The following HTT variants were observed in gnomAD, a reference collection of about 807,000 sequenced individuals.
HTT encodes huntington disease protein.
HTT carries 104 observed loss-of-function variants against 362.3 expected under a neutral mutation model. The ratio of observed to expected loss-of-function variants is 0.29; its 90% CI spans 0.24 to 0.34. The LOEUF is 0.34. Ranked by LOEUF, HTT falls within the 10% of genes least tolerant of loss-of-function variation. HTT has a pLI of 1.00. For missense variants in HTT, 3,301 were observed against 3,928.6 expected (o/e 0.84, Z 4.27); for synonymous variants, 1,577 against 1,548.7 (o/e 1.02, Z -0.43).
At chr4:3,204,193 CAGG>C in intron 42 of HTT, 45 bp downstream of exon 42, 1 of 1,605,798 alleles carries the variant, frequency 6.2e-7, no homozygotes, top group Non-Finnish European at 8.5e-7. Context: ...AGGTGGGGAC[CAGG>C]AGAACATCCT....
At chr4:3,181,861 A>G (rs1358096928) in intron 36 of HTT, among the ~76,000 whole-genome samples, 2 of 152,180 alleles carry the variant, frequency 1.3e-5, no homozygotes, top group Non-Finnish European at 2.9e-5. Context: ...CTGTTTAGAA[A>G]TGATCACTAA....
intron 27 of HTT, 89 bp from the exon 28 acceptor site, chr4:3,156,978 ATACTT>A: frequency 9.8e-7 from 1 of 1,021,446 alleles, no homozygotes; most frequent in East Asian, 2.5e-5. Context: ...TCATACTAGA[ATACTT>A]TAAAAAATCA....
chr4:3,131,999 G>A (rs988603650), intron 16 of HTT, among the ~76,000 whole-genome samples: 49 of 152,278 alleles, frequency 3.2e-4, no homozygotes, highest in Non-Finnish European at 5.1e-4. Context: ...ACCTCAGCAC[G>A]TAAGAGCCAA....
At chr4:3,093,059 C>T (rs894255465) in intron 2 of HTT, among the ~76,000 whole-genome samples, 2 of 152,100 alleles carry the variant, frequency 1.3e-5, no homozygotes, top group South Asian at 2.1e-4. Context: ...GGAAGAATAC[C>T]AGGGAAGAGA....
At chr4:3,236,041 T>C (rs568562264) in intron 63 of HTT, 108 bp from the exon 64 acceptor site, 127 of 865,210 alleles carry the variant, frequency 1.5e-4, no homozygotes, top group Admixed American at 3.1e-4. Flanking sequence ...TGATATCACC[T>C]GCTTTCAGAT....
intron 46 of HTT, 76 bp downstream of exon 46, chr4:3,208,987 G>A: frequency 6.8e-7 from 1 of 1,462,996 alleles, no homozygotes; most frequent in Non-Finnish European, 9.1e-7. Flanking sequence ...TACAGAGAGT[G>A]CAGAGGAGGT....
chr4:3,167,571 GT>G (rs1334361458), intron 29 of HTT, among the ~76,000 whole-genome samples: 8 of 151,186 alleles, frequency 5.3e-5, no homozygotes, highest in South Asian at 4.2e-4. Flanking sequence ...TTGTATGTGG[GT>G]TTTTTTTTAA....
chr4:3,192,776 G>A (rs1251897968), intron 40 of HTT, among the ~76,000 whole-genome samples: 1 of 152,200 alleles, frequency 6.6e-6, no homozygotes, highest in Admixed American at 6.5e-5. Context: ...TTCTCTTACT[G>A]GATTTTTGTA....
Position 3,218,985 on chromosome 4 carries a change from T to A in HTT, c.7242+1033T>A, listed in dbSNP as rs1553920365. Among the ~76,000 whole-genome samples the A allele has an allele frequency of 6.6e-6, 1 of 152,144 alleles. No homozygotes were observed. Among genetic ancestry groups the A allele is most frequent in the Non-Finnish European group, 1.5e-5 (1 of 68,016 alleles). Reference sequence around the variant, plus strand: ...TGTATGCTGGAGAGTCTAGGGAGGCTTGCTCCAAGGACGCAGTATTGTTTG... The same window carrying A: ...TGTATGCTGGAGAGTCTAGGGAGGCATGCTCCAAGGACGCAGTATTGTTTG... On this transcript the variant is annotated intron_variant, in intron 52 of 66. Coordinates refer to ENST00000355072, the MANE Select transcript of HTT (RefSeq NM_001388492.1). This position sits in a 1 kb window ranked among gnomAD's most constrained non-coding sequence, Gnocchi z 4.4.
In HTT at chr4:3,151,239, G is replaced by A. The variant is rs370035894; in HGVS notation, c.3498+3032G>A. On this transcript the variant is annotated intron_variant, in intron 26 of 66. Transcript: ENST00000355072. ...AGAGGTTTAATTGGCTCACAGTTCT[G>A]CAGGCTGTACAGGCTTCTGTTTCTG... 1.1e-4 allele frequency among the ~76,000 whole-genome samples: 16 copies of A among 152,242 alleles called. No individual in the cohort carries two copies. In the East Asian group the frequency reaches 2.5e-3, roughly 24 times the overall value.
intron 1 of HTT, among the ~76,000 whole-genome samples, chr4:3,077,582 G>T (rs1212899577): frequency 6.6e-6 from 1 of 152,032 alleles, no homozygotes; most frequent in African/African-American, 2.4e-5. Flanking sequence ...ACCATGTCCA[G>T]CTAATTTTTG....
intron 18 of HTT, among the ~76,000 whole-genome samples, chr4:3,133,325 A>T (rs1406245712): frequency 8.7e-5 from 11 of 126,178 alleles, no homozygotes; most frequent in East Asian, 4.2e-4. Context: ...ACAGAAAATT[A>T]AAAAAAAAAA....
intron 2 of HTT, among the ~76,000 whole-genome samples, chr4:3,089,472 C>G (rs1713391112): frequency 6.6e-6 from 1 of 152,204 alleles, no homozygotes; most frequent in Non-Finnish European, 1.5e-5. Context: ...CCAGGATGGT[C>G]TTGATCTCCT....
intron 36 of HTT, among the ~76,000 whole-genome samples, chr4:3,181,083 A>G (rs184657326): frequency 1.3e-4 from 19 of 151,502 alleles, no homozygotes; most frequent in African/African-American, 4.4e-4. Context: ...GGGTTTCACC[A>G]TGATGGCCAA....
At chr4:3,165,194 G>A (rs1020220851) in intron 29 of HTT, among the ~76,000 whole-genome samples, 2 of 152,176 alleles carry the variant, frequency 1.3e-5, no homozygotes, top group Admixed American at 6.5e-5. Context: ...AGTTTGGCTG[G>A]ATATGAAATT....
In HTT at chr4:3,229,932, C is replaced by A; in HGVS notation, c.8155C>A (p.Leu2719Met). Reference sequence around the variant, plus strand: ...GTTCACCGAGCGCAACCAGTTTGAGCTGATGTATGTGACGCTGACAGAACT... The same window carrying A: ...GTTCACCGAGCGCAACCAGTTTGAGATGATGTATGTGACGCTGACAGAACT... Reference protein sequence around the residue: ...DLFTERNQFELMYVTLTELRR... With the variant: ...DLFTERNQFEMMYVTLTELRR... The change falls in exon 60 of 67, where the codon CTG becomes ATG. Residue 2719 changes from leucine (L) to methionine (M), a missense_variant. Leu to Met is a conservative substitution (Grantham distance 15, BLOSUM62 2). Transcript: ENST00000355072. The A allele has an allele frequency of 6.2e-7, 1 of 1,614,186 alleles. No homozygotes were observed. Among genetic ancestry groups the A allele is most frequent in the Non-Finnish European group, 8.5e-7 (1 of 1,180,002 alleles).
chr4:3,089,349 G>T (rs1395064195), intron 2 of HTT, among the ~76,000 whole-genome samples: 3 of 152,096 alleles, frequency 2.0e-5, no homozygotes, highest in Non-Finnish European at 4.4e-5. Flanking sequence ...CACCTCCCGG[G>T]TTCACGCTAT....
intron 6 of HTT, among the ~76,000 whole-genome samples, chr4:3,114,675 G>A (rs1281240843): frequency 6.6e-6 from 1 of 152,158 alleles, no homozygotes; most frequent in Non-Finnish European, 1.5e-5. Context: ...CCAAGATAAT[G>A]CGACTAGCTG....
At chr4:3,113,331 A>ATT (rs796321767) in intron 6 of HTT, among the ~76,000 whole-genome samples, 2 of 147,612 alleles carry the variant, frequency 1.4e-5, no homozygotes, top group African/African-American at 5.0e-5. Flanking sequence ...TCATACAATG[A>ATT]TTTTTTTTTT....
Sources: allele counts gnomAD v4.1 joint callset (sites outside exome capture counted in the v4.1 genomes callset), GRCh38; gene constraint gnomAD v4.1.1; non-coding constraint Gnocchi (gnomAD v3.1); transcripts MANE v1.5; gene names NCBI Gene and HGNC (gene_info 2026-07-23, HGNC 2026-07-21).